KLF12: variants seen among roughly 807,000 people sequenced by gnomAD.
KLF12 encodes the protein Krueppel-like factor 12.
Under a neutral mutation model 37.8 loss-of-function variants are expected in KLF12, and 9 were observed. That is an observed-to-expected ratio of 0.24 (90% CI 0.14 to 0.42). The LOEUF (loss-of-function observed/expected upper bound fraction) is 0.42, where lower values mean the gene tolerates loss of function less well. Among genes scored for constraint, KLF12 ranks in the 10% least tolerant of loss-of-function variants. The probability of loss-of-function intolerance (pLI) is 1.00; values close to 1 mark genes in which losing one functional copy is unlikely to be tolerated. For missense variants in KLF12, 411 were observed against 516.0 expected (o/e 0.80, Z 1.97); for synonymous variants, 208 against 202.1 (o/e 1.03, Z -0.25).
At chr13:73,826,891 C>T (rs1205266178) in intron 4 of KLF12, among the ~76,000 whole-genome samples, 1 of 152,152 alleles carries the variant, frequency 6.6e-6, no homozygotes, top group Non-Finnish European at 1.5e-5. Flanking sequence ...AAGTGATCCT[C>T]CCATCTCAGC....
the KLF12 span, among the ~76,000 whole-genome samples, chr13:74,148,485 TC>T: frequency 1.3e-3 from 146 of 115,674 alleles, no homozygotes; most frequent in Middle Eastern, 5.7e-3. Context: ...AGACTTTCAC[TC>T]CCCCCCCACC....
the KLF12 span, chr13:74,257,306 G>A: frequency 6.6e-6 from 1 of 152,316 alleles, no homozygotes; most frequent in South Asian, 2.1e-4. Flanking sequence ...TTTTTCCATG[G>A]CACAGGAGCA....
intron 7 of KLF12, among the ~76,000 whole-genome samples, chr13:73,697,948 T>G (rs1874265702): frequency 6.6e-6 from 1 of 151,066 alleles, no homozygotes; most frequent in Admixed American, 6.6e-5. Context: ...AGGCCAGGAG[T>G]TCAAGATCAG....
the KLF12 span, among the ~76,000 whole-genome samples, chr13:74,215,133 C>T: frequency 6.6e-6 from 1 of 151,960 alleles, no homozygotes; most frequent in East Asian, 1.9e-4. Context: ...CTTTTTTCTC[C>T]ACTGTATTCT....
the KLF12 span, among the ~76,000 whole-genome samples, chr13:74,194,355 C>A: frequency 6.6e-6 from 1 of 152,148 alleles, no homozygotes; most frequent in African/African-American, 2.4e-5. Flanking sequence ...AACAAAATAC[C>A]TGAGACTGGG....
chr13:74,124,157 T>C (rs1877803056), intron 1 of KLF12, among the ~76,000 whole-genome samples: 1 of 152,230 alleles, frequency 6.6e-6, no homozygotes, highest in Admixed American at 6.5e-5. Flanking sequence ...ATTCCATTAA[T>C]GCTTTTAATC....
At chr13:73,707,409 T>C (rs971398377) in intron 7 of KLF12, among the ~76,000 whole-genome samples, 1 of 152,152 alleles carries the variant, frequency 6.6e-6, no homozygotes, top group Non-Finnish European at 1.5e-5. Flanking sequence ...GACTTCAAGT[T>C]TGGTGATATT....
chr13:74,144,820 A>G, the KLF12 span, among the ~76,000 whole-genome samples: 1 of 152,154 alleles, frequency 6.6e-6, no homozygotes, highest in Non-Finnish European at 1.5e-5. Flanking sequence ...ATCCTCATCA[A>G]TTATTAAATA....
chr13:74,114,584 T>A (rs7995760), intron 1 of KLF12, among the ~76,000 whole-genome samples: 1 of 152,246 alleles, frequency 6.6e-6, no homozygotes, highest in Non-Finnish European at 1.5e-5. Flanking sequence ...AGAAGATTAA[T>A]GGATGAAGTA....
intron 1 of KLF12, among the ~76,000 whole-genome samples, chr13:74,041,597 A>C (rs1363191915): frequency 1.3e-5 from 2 of 151,892 alleles, no homozygotes; most frequent in Non-Finnish European, 2.9e-5. Context: ...TCCTTCTTAA[A>C]ACTCATCAAA....
intron 5 of KLF12, among the ~76,000 whole-genome samples, chr13:73,807,088 ACCTGAGG>A (rs911824578): frequency 5.8e-4 from 88 of 152,184 alleles, no homozygotes; most frequent in African/African-American, 2.0e-3. Context: ...TGGGTGGATC[ACCTGAGG>A]CCAGGAGTTC....
chr13:73,765,993 T>C (rs576007878), intron 5 of KLF12, among the ~76,000 whole-genome samples: 5 of 152,342 alleles, frequency 3.3e-5, no homozygotes, highest in African/African-American at 1.2e-4. Context: ...CCAAAACAGA[T>C]AATGCAGTTC....
At chr13:74,200,767 C>T in the KLF12 span, among the ~76,000 whole-genome samples, 12 of 152,000 alleles carry the variant, frequency 7.9e-5, no homozygotes, top group South Asian at 2.1e-4. Context: ...ACCTCTGCTC[C>T]GGAAAAACTA....
rs529758097 is a variant in KLF12, at chr13:73,692,751, T to C, written c.*2739A>G. On this transcript the variant is annotated 3_prime_UTR_variant, in exon 8 of 8. Transcript: ENST00000377669. ...CCAAAGAAGTTTCAGTTCCTGAGGC[T>C]AGACCAGGGACTCAATTCACTTAAT... The C allele has an allele frequency of 2.6e-5, 4 of 152,668 alleles. No individual in the cohort carries two copies. Among genetic ancestry groups the C allele is most frequent in the Non-Finnish European group, 4.4e-5 (3 of 68,046 alleles). 9.5% of individuals were successfully genotyped at this position (152,668 alleles called of 1,614,324 possible).
chr13:73,707,702 G>C (rs2137626045), intron 7 of KLF12, among the ~76,000 whole-genome samples: 1 of 152,270 alleles, frequency 6.6e-6, no homozygotes, highest in South Asian at 2.1e-4. Context: ...CTGAAGTTAA[G>C]ATCTAGCAAC....
intron 2 of KLF12, among the ~76,000 whole-genome samples, chr13:73,986,567 C>T (rs1354598944): frequency 6.6e-6 from 1 of 152,114 alleles, no homozygotes; most frequent in Non-Finnish European, 1.5e-5. Flanking sequence ...GTCCTAATCC[C>T]TGAAATCTGT....
At chr13:74,232,961 C>T in the KLF12 span, among the ~76,000 whole-genome samples, 1 of 152,166 alleles carries the variant, frequency 6.6e-6, no homozygotes, top group South Asian at 2.1e-4. Flanking sequence ...TCTCAGCTCA[C>T]TGCAACCTCC....
intron 2 of KLF12, among the ~76,000 whole-genome samples, chr13:73,969,836 T>TCC (rs1186193722): frequency 6.6e-6 from 1 of 152,198 alleles, no homozygotes; most frequent in Non-Finnish European, 1.5e-5. Context: ...CATCAAACCT[T>TCC]CCTCTTAATG....
intron 1 of KLF12, among the ~76,000 whole-genome samples, chr13:74,132,941 C>G (rs1166705821): frequency 6.6e-6 from 1 of 152,204 alleles, no homozygotes; most frequent in African/African-American, 2.4e-5. Flanking sequence ...GAGGTCAAGT[C>G]TGAACCCTCA....
Sources: allele counts gnomAD v4.1 joint callset (sites outside exome capture counted in the v4.1 genomes callset), GRCh38; gene constraint gnomAD v4.1.1; transcripts MANE v1.5; gene names NCBI Gene and HGNC (gene_info 2026-07-23, HGNC 2026-07-21).